The following ZDHHC21 variants were observed in gnomAD, a reference collection of about 807,000 sequenced individuals.
The protein encoded by ZDHHC21 is palmitoyltransferase ZDHHC21.
In ZDHHC21, 15 loss-of-function variants were observed where a neutral mutation model predicts 34.6. That is an observed-to-expected ratio of 0.43 (90% confidence interval 0.29 to 0.67). The LOEUF (loss-of-function observed/expected upper bound fraction) is 0.67, where lower values mean the gene tolerates loss of function less well. Among genes scored for constraint, ZDHHC21 ranks in the 30% least tolerant of loss-of-function variants. The pLI, the probability that ZDHHC21 is intolerant of heterozygous loss-of-function variation, is 0.14. For synonymous variants in ZDHHC21, 142 were observed against 101.8 expected (o/e 1.40, Z -2.38); for missense variants, 344 against 327.7 (o/e 1.05, Z -0.38).
intron 7 of ZDHHC21, among the ~76,000 whole-genome samples, chr9:14,651,815 T>C (rs1027595437): frequency 1.3e-5 from 2 of 151,916 alleles, no homozygotes; most frequent in Non-Finnish European, 2.9e-5. Flanking sequence ...GCATTTAAAG[T>C]AACTATGTGA....
intron 8 of ZDHHC21, among the ~76,000 whole-genome samples, chr9:14,629,377 G>T (rs1475613424): frequency 6.6e-6 from 1 of 152,144 alleles, no homozygotes; most frequent in Non-Finnish European, 1.5e-5. Flanking sequence ...TTAACATGTT[G>T]ATAGAAGGGA....
intron 6 of ZDHHC21, 38 bp from the exon 7 acceptor site, chr9:14,658,925 T>A (rs1414608171): frequency 1.3e-6 from 2 of 1,582,852 alleles, no homozygotes; most frequent in Non-Finnish European, 1.7e-6. Flanking sequence ...ATATTTTAAA[T>A]TTCAAGAAGT....
At chr9:14,653,079 A>G (rs1166170021) in intron 7 of ZDHHC21, among the ~76,000 whole-genome samples, 5 of 151,974 alleles carry the variant, frequency 3.3e-5, no homozygotes, top group Admixed American at 2.0e-4. Flanking sequence ...AAATATGTAT[A>G]ATAATCATTA....
chr9:14,692,871 CA>C, intron 1 of ZDHHC21, among the ~76,000 whole-genome samples: 1 of 149,136 alleles, frequency 6.7e-6, no homozygotes, highest in Non-Finnish European at 1.5e-5. Flanking sequence ...CTGTAGTTTA[CA>C]AGCGAGAAAC....
chr9:14,692,991 T>C (rs921189604), intron 1 of ZDHHC21, among the ~76,000 whole-genome samples: 2 of 151,410 alleles, frequency 1.3e-5, no homozygotes, highest in African/African-American at 4.9e-5. Context: ...CAAGGGGCTG[T>C]AGCTCTAGCA....
chr9:14,598,809 G>C, the ZDHHC21 span, among the ~76,000 whole-genome samples: 69 of 152,200 alleles, frequency 4.5e-4, no homozygotes, highest in African/African-American at 1.2e-3. Flanking sequence ...GGAGTGCAGT[G>C]TGGCACAATC....
chr9:14,661,377 A>C (rs79973122), intron 6 of ZDHHC21, among the ~76,000 whole-genome samples: 7 of 152,228 alleles, frequency 4.6e-5, no homozygotes, highest in African/African-American at 1.7e-4. Context: ...ATTATAAATT[A>C]AGAGGCTCAT....
intron 6 of ZDHHC21, 128 bp downstream of exon 6, chr9:14,662,087 G>A: frequency 1.8e-6 from 1 of 545,356 alleles, no homozygotes; most frequent in Non-Finnish European, 3.1e-6. Flanking sequence ...TCTAAATAAA[G>A]ATATCCTTAT....
At chr9:14,677,082 G>C (rs1291990775) in intron 3 of ZDHHC21, among the ~76,000 whole-genome samples, 2 of 151,794 alleles carry the variant, frequency 1.3e-5, no homozygotes, top group Non-Finnish European at 2.9e-5. Context: ...TCCTCTACTA[G>C]AGAACAAATT....
chr9:14,671,517 G>A (rs1359559186), intron 5 of ZDHHC21, among the ~76,000 whole-genome samples: 1 of 152,048 alleles, frequency 6.6e-6, no homozygotes, highest in African/African-American at 2.4e-5. Flanking sequence ...CTAAAACTAT[G>A]AGTGAATACA....
chr9:14,646,045 C>T (rs185627573), intron 7 of ZDHHC21, among the ~76,000 whole-genome samples: 15 of 152,232 alleles, frequency 9.9e-5, no homozygotes, highest in South Asian at 2.1e-4. Context: ...CAGCACTTCT[C>T]GCTATACATC....
Position 14,613,841 on chromosome 9 carries a change from T to C in ZDHHC21, c.*5125A>G, listed in dbSNP as rs948449134. 9 of 151,788 alleles carry C rather than the reference T, an allele frequency of 5.9e-5. No individual in the cohort carries two copies. The highest frequency in any genetic ancestry group is 1.3e-4 in the Admixed American group (2 of 15,204). The allele number at this position is 151,788 out of a possible 1,614,324, so 9.4% of individuals were successfully genotyped here. ...AAAAGGTGCCAGTTTTTTCAAACTT[T>C]GGTCAACCTATTCATTTCTCCTCTG... On this transcript the variant is annotated 3_prime_UTR_variant, in exon 10 of 10. Transcript: ENST00000380916.
the ZDHHC21 span, among the ~76,000 whole-genome samples, chr9:14,601,575 C>T: frequency 6.6e-6 from 1 of 152,200 alleles, no homozygotes; most frequent in Admixed American, 6.5e-5. Context: ...AACAATTGTG[C>T]AAGACAGTGT....
chr9:14,665,651 C>T (rs1433193823), intron 5 of ZDHHC21, among the ~76,000 whole-genome samples: 58 of 137,804 alleles, frequency 4.2e-4, no homozygotes, highest in East Asian at 1.4e-3. Flanking sequence ...GCGGATCTCT[C>T]GGCAGAAACC....
intron 7 of ZDHHC21, among the ~76,000 whole-genome samples, chr9:14,641,294 G>A (rs141888347): frequency 0.012 from 1,818 of 152,022 alleles, 27 homozygotes; most frequent in Middle Eastern, 0.051. Context: ...TTATGTAGCA[G>A]GTAAATATTA....
chr9:14,648,741 ACACT>A (rs1421030368), intron 7 of ZDHHC21, among the ~76,000 whole-genome samples: 3 of 152,128 alleles, frequency 2.0e-5, no homozygotes, highest in Admixed American at 6.6e-5. Flanking sequence ...AAGTGAATAG[ACACT>A]CAATAATATG....
intron 7 of ZDHHC21, among the ~76,000 whole-genome samples, chr9:14,641,835 G>C (rs1173444335): frequency 6.6e-6 from 1 of 151,818 alleles, no homozygotes; most frequent in African/African-American, 2.4e-5. Context: ...ATATAAAAGA[G>C]TGCTGTTGTT....
At position 14,612,065 on chromosome 9, in the gene ZDHHC21, T is replaced by C. The variant is rs1823391492; in HGVS notation, c.*6901A>G. The C allele has an allele frequency of 6.6e-6, 1 of 152,000 alleles. No homozygotes were observed. The highest frequency in any genetic ancestry group is 2.1e-4 in the South Asian group (1 of 4,830). The allele number at this position is 152,000 out of a possible 1,614,324, so 9.4% of individuals were successfully genotyped here. On this transcript the variant is annotated 3_prime_UTR_variant, in exon 10 of 10. Transcript: ENST00000380916. ...TACAGTGGCAACACAATCTAGGGAA[T>C]ATTGTTGGCAGATTAGAGAGAGATA...
chr9:14,609,076 C>T (rs1823114151), downstream of ZDHHC21, among the ~76,000 whole-genome samples: 1 of 125,928 alleles, frequency 7.9e-6, no homozygotes, highest in Non-Finnish European at 1.8e-5. Flanking sequence ...CCACCTTCCC[C>T]AATTGTTTCC....
Sources: allele counts gnomAD v4.1 joint callset (sites outside exome capture counted in the v4.1 genomes callset), GRCh38; gene constraint gnomAD v4.1.1; transcripts MANE v1.5; gene names NCBI Gene and HGNC (gene_info 2026-07-23, HGNC 2026-07-21).